Variants in KLF12 observed in about 807,000 individuals in gnomAD.
KLF12 encodes the protein Krueppel-like factor 12.
In KLF12, 9 loss-of-function variants were observed where a neutral mutation model predicts 37.8. The observed-to-expected ratio is 0.24, with a 90% CI of 0.14 to 0.42. KLF12 has a LOEUF of 0.42. Ranked by LOEUF, KLF12 falls within the 10% of genes least tolerant of loss-of-function variation. The pLI, the probability that KLF12 is intolerant of heterozygous loss-of-function variation, is 1.00. For synonymous variants in KLF12, 208 were observed against 202.1 expected (o/e 1.03, Z -0.25); for missense variants, 411 against 516.0 (o/e 0.80, Z 1.97).
chr13:73,996,392 C>T (rs948070862), intron 1 of KLF12, among the ~76,000 whole-genome samples: 27 of 152,162 alleles, frequency 1.8e-4, no homozygotes, highest in African/African-American at 6.5e-4. Flanking sequence ...ATGTTTTGTC[C>T]TTTCTAGTCT....
At chr13:74,091,286 G>C (rs1032607398) in intron 1 of KLF12, among the ~76,000 whole-genome samples, 6 of 151,974 alleles carry the variant, frequency 3.9e-5, no homozygotes, top group African/African-American at 1.4e-4. Flanking sequence ...AAAATACAAG[G>C]GTAAATTTTA....
chr13:73,720,985 A>G (rs1239915801), intron 6 of KLF12, among the ~76,000 whole-genome samples: 1 of 152,236 alleles, frequency 6.6e-6, no homozygotes, highest in East Asian at 1.9e-4. Flanking sequence ...GAATTGAAGG[A>G]GCTTTAGTAA....
intron 1 of KLF12, among the ~76,000 whole-genome samples, chr13:74,038,073 G>A (rs1053464009): frequency 6.6e-6 from 1 of 152,096 alleles, no homozygotes; most frequent in Non-Finnish European, 1.5e-5. Flanking sequence ...CTGATACAAA[G>A]GACACACAAA....
chr13:74,232,813 T>C, the KLF12 span, among the ~76,000 whole-genome samples: 1 of 152,158 alleles, frequency 6.6e-6, no homozygotes, highest in African/African-American at 2.4e-5. Flanking sequence ...CCATGTAGGT[T>C]GACAACAACA....
Position 73,695,373 on chromosome 13 carries a change from G to T in KLF12, c.*117C>A. 1.0e-6 allele frequency: 1 copy of T among 979,128 alleles called. No homozygotes were observed. The highest frequency in any genetic ancestry group is 1.5e-6 in the Non-Finnish European group (1 of 657,294). 60.7% of individuals were successfully genotyped at this position (979,128 alleles called of 1,614,324 possible). The stretch of plus-strand genomic sequence containing the variant: ...CCTTCTTTTTCCTGCTCTGGTTTCA[G>T]ACATCGTGGGATGGTGATGCCCTTT... On this transcript the variant is annotated 3_prime_UTR_variant, in exon 8 of 8. Transcript: ENST00000377669.
chr13:74,293,480 C>A, the KLF12 span, among the ~76,000 whole-genome samples: 17 of 152,196 alleles, frequency 1.1e-4, no homozygotes, highest in East Asian at 3.3e-3. Flanking sequence ...CAACATTACA[C>A]ACACCTACAC....
In KLF12 at chr13:73,917,000, C is replaced by T. The variant is rs978201924; in HGVS notation, c.123+26981G>A. 3.3e-5 allele frequency among the ~76,000 whole-genome samples: 5 copies of T among 152,130 alleles called. No individual in the cohort carries two copies. In the East Asian group the frequency reaches 5.8e-4, roughly 18 times the overall value. On this transcript the variant is annotated intron_variant, in intron 3 of 7. Transcript: ENST00000377669. ...GGTAGGGACATGCACACTAATATTC[C>T]GTAGGCCACTCTTGTGCTCAACTAG...
intron 3 of KLF12, among the ~76,000 whole-genome samples, chr13:73,898,308 A>G (rs775706006): frequency 1.3e-5 from 2 of 152,242 alleles, no homozygotes; most frequent in Non-Finnish European, 2.9e-5. Context: ...TCAGGTCAAT[A>G]ATCTTCAGAT....
At chr13:73,870,038 G>T (rs117626707) in intron 3 of KLF12, among the ~76,000 whole-genome samples, 2,960 of 152,246 alleles carry the variant, frequency 0.019, 64 homozygotes, top group South Asian at 0.041. Flanking sequence ...TGAACTAAAA[G>T]AACTTTTCTG....
chr13:74,013,092 G>A (rs908541580), intron 1 of KLF12, among the ~76,000 whole-genome samples: 1 of 152,186 alleles, frequency 6.6e-6, no homozygotes, highest in Non-Finnish European at 1.5e-5. Context: ...TTCAACAGCT[G>A]GGTACGAACA....
chr13:74,239,759 G>A, the KLF12 span, among the ~76,000 whole-genome samples: 2 of 151,634 alleles, frequency 1.3e-5, no homozygotes, highest in East Asian at 3.9e-4. Flanking sequence ...GACTAGGATT[G>A]CAACCCCTGC....
At chr13:74,152,688 G>A in the KLF12 span, among the ~76,000 whole-genome samples, 6 of 151,794 alleles carry the variant, frequency 4.0e-5, no homozygotes, top group Non-Finnish European at 8.8e-5. Flanking sequence ...TTCAAGACAA[G>A]CCTGGGCAAC....
In KLF12 at chr13:73,777,564, C is replaced by T. The variant is rs139354741; in HGVS notation, c.807-12564G>A. ...TCTCTACTAAAAATACAAAATTAGC[C>T]GGGCGCGGTGGCACATGCCAGTAAT... On this transcript the variant is annotated intron_variant, in intron 5 of 7. Coordinates refer to ENST00000377669, the MANE Select transcript of KLF12 (RefSeq NM_007249.5). Among the ~76,000 whole-genome samples the T allele has an allele frequency of 3.3e-3, 507 of 151,868 alleles. 6 individuals are homozygous for T. The highest frequency in any genetic ancestry group is 0.012 in the African/African-American group (485 of 41,436).
chr13:73,865,080 T>C (rs977391703), intron 3 of KLF12, among the ~76,000 whole-genome samples: 1 of 152,110 alleles, frequency 6.6e-6, no homozygotes. Context: ...AAGGAGTCTA[T>C]AATAAGTCAA....
At chr13:73,978,113 C>A (rs1051749512) in intron 2 of KLF12, among the ~76,000 whole-genome samples, 1 of 152,040 alleles carries the variant, frequency 6.6e-6, no homozygotes, top group Admixed American at 6.5e-5. Context: ...AAAGACATAA[C>A]TGATAAGCTG....
intron 1 of KLF12, among the ~76,000 whole-genome samples, chr13:74,070,750 G>T (rs1214897211): frequency 6.6e-6 from 1 of 152,178 alleles, no homozygotes; most frequent in Non-Finnish European, 1.5e-5. Flanking sequence ...GAAGGGCAAT[G>T]AAGTTTTAAA....
intron 1 of KLF12, among the ~76,000 whole-genome samples, chr13:74,037,032 C>T (rs1052545660): frequency 1.3e-5 from 2 of 151,736 alleles, no homozygotes; most frequent in Non-Finnish European, 2.9e-5. Flanking sequence ...GGTGAAACCC[C>T]GTCTCTACTG....
At chr13:73,704,464 C>A (rs942859150) in intron 7 of KLF12, among the ~76,000 whole-genome samples, 3 of 152,188 alleles carry the variant, frequency 2.0e-5, no homozygotes, top group African/African-American at 7.2e-5. Context: ...CTGCCTGCCC[C>A]ACTCTGATAA....
chr13:73,732,596 C>A (rs1269503668), intron 6 of KLF12, among the ~76,000 whole-genome samples: 4 of 152,094 alleles, frequency 2.6e-5, no homozygotes, highest in Non-Finnish European at 4.4e-5. Context: ...ATCTGCATAC[C>A]CCCTTCCCTC....
Sources: gnomAD v4.1 joint callset for allele counts (sites outside exome capture counted in the v4.1 genomes callset) on GRCh38, gnomAD v4.1.1 for gene constraint, MANE v1.5 for transcripts, NCBI Gene and HGNC (gene_info 2026-07-23, HGNC 2026-07-21) for gene names.